Variants in NEK11 observed in about 807,000 individuals in gnomAD.
The protein encoded by NEK11 is NIMA related kinase 11, also known as serine/threonine-protein kinase Nek11.
NEK11 carries 72 observed loss-of-function variants against 80.7 expected under a neutral mutation model. The observed-to-expected ratio is 0.89, with a 90% CI of 0.74 to 1.08. NEK11 has a LOEUF of 1.08. NEK11 is among the 50% of genes least tolerant of loss of function. NEK11 has a pLI of 0.00. For synonymous variants in NEK11, 251 were observed against 260.7 expected, an observed-to-expected ratio of 0.96 and a Z score of 0.36; for missense variants, 764 against 763.6, an observed-to-expected ratio of 1.00 and a Z score of -0.01.
chr3:131,089,665 C>G (rs1219599545), intron 4 of NEK11, among the ~76,000 whole-genome samples: 1 of 152,166 alleles, frequency 6.6e-6, no homozygotes, highest in Non-Finnish European at 1.5e-5. Flanking sequence ...TCTCGAACTC[C>G]TGACCTCAAG....
intron 7 of NEK11, among the ~76,000 whole-genome samples, chr3:131,147,537 G>A (rs2088629341): frequency 6.6e-6 from 1 of 151,896 alleles, no homozygotes; most frequent in South Asian, 2.1e-4. Context: ...TTCCAAATTA[G>A]TTCTTGTTTA....
chr3:131,239,616 C>T (rs1374329228), intron 15 of NEK11, among the ~76,000 whole-genome samples: 1 of 152,152 alleles, frequency 6.6e-6, no homozygotes, highest in African/African-American at 2.4e-5. Context: ...GCCTACCAGC[C>T]AGGAGAGTGC....
Position 131,109,846 on chromosome 3 carries a change from G to GA in NEK11, c.385dup (p.Ile129AsnfsTer19), listed in dbSNP as rs760398031. Reference sequence around the variant, plus strand: ...AAAATTCAGGAATATAAACAAGCTGGAAAAATCTTTCCAGAAAATCAAATA... The same window carrying GA: ...AAAATTCAGGAATATAAACAAGCTGGAAAAAATCTTTCCAGAAAATCAAATA... On this transcript the variant is annotated frameshift_variant, in exon 5 of 18. Transcript: ENST00000383366. LOFTEE classifies it high-confidence loss of function. The GA allele has an allele frequency of 1.9e-6, 3 of 1,605,966 alleles. No homozygotes were observed. The highest frequency in any genetic ancestry group is 1.1e-5 in the South Asian group (1 of 89,092).
At chr3:131,282,222 GA>G (rs1461869084) in intron 17 of NEK11, among the ~76,000 whole-genome samples, 1 of 149,718 alleles carries the variant, frequency 6.7e-6, no homozygotes. Flanking sequence ...CAGGGCTGCT[GA>G]TTTTGGTGTC....
chr3:131,142,946 C>T (rs113615330), intron 7 of NEK11, among the ~76,000 whole-genome samples: 34 of 152,222 alleles, frequency 2.2e-4, no homozygotes, highest in African/African-American at 7.5e-4. Context: ...AAAATTCACC[C>T]AAACCTTGTT....
intron 17 of NEK11, among the ~76,000 whole-genome samples, chr3:131,299,949 A>G (rs2109149797): frequency 6.6e-6 from 1 of 152,322 alleles, no homozygotes; most frequent in South Asian, 2.1e-4. Context: ...TTGAGAAATT[A>G]TCAAGTTGGT....
chr3:131,208,776 G>T (rs1311343502), intron 14 of NEK11, among the ~76,000 whole-genome samples: 1 of 152,082 alleles, frequency 6.6e-6, no homozygotes, highest in Non-Finnish European at 1.5e-5. Context: ...GTCTGTTATT[G>T]GTGTATAAGA....
At chr3:131,245,655 C>A (rs929463094) in intron 16 of NEK11, among the ~76,000 whole-genome samples, 1 of 151,622 alleles carries the variant, frequency 6.6e-6, no homozygotes, top group Non-Finnish European at 1.5e-5. Context: ...TGTAAGATAC[C>A]TTCTTGTGGT....
intron 16 of NEK11, among the ~76,000 whole-genome samples, chr3:131,272,895 C>T (rs2096225123): frequency 6.6e-6 from 1 of 152,190 alleles, no homozygotes; most frequent in Non-Finnish European, 1.5e-5. Flanking sequence ...GTAGCTCTCT[C>T]AGCAGATTTC....
At chr3:131,243,384 A>G (rs570478937) in intron 15 of NEK11, 52 bp from the exon 16 acceptor site, 29 of 1,520,126 alleles carry the variant, frequency 1.9e-5, no homozygotes, top group Admixed American at 1.4e-4. Context: ...CATGTTATTA[A>G]GTATCCTTCT....
At chr3:131,323,777 C>T (rs2096924527) in intron 17 of NEK11, among the ~76,000 whole-genome samples, 1 of 152,172 alleles carries the variant, frequency 6.6e-6, no homozygotes. Flanking sequence ...GCTGTAGCAC[C>T]ATTTTTAAAG....
chr3:131,173,035 A>G (rs189910212), intron 14 of NEK11, among the ~76,000 whole-genome samples: 7 of 152,334 alleles, frequency 4.6e-5, no homozygotes, highest in Admixed American at 3.3e-4. Flanking sequence ...TAAAAGTAGG[A>G]TGAATCCTCA....
intron 14 of NEK11, chr3:131,174,930 C>A: frequency 7.0e-7 from 1 of 1,428,668 alleles, no homozygotes; most frequent in South Asian, 1.6e-5. Flanking sequence ...GACCAGCTGT[C>A]ACCTCTTCAT....
At chr3:131,162,602 C>T in intron 11 of NEK11, 75 bp downstream of exon 11, 4 of 1,561,574 alleles carry the variant, frequency 2.6e-6, no homozygotes, top group Non-Finnish European at 3.5e-6. Flanking sequence ...CAGAGAAAAG[C>T]AAAAACCAAA....
chr3:131,039,308 A>G (rs936889572), intron 3 of NEK11, among the ~76,000 whole-genome samples: 1 of 152,208 alleles, frequency 6.6e-6, no homozygotes, highest in African/African-American at 2.4e-5. Context: ...TGAATATTAG[A>G]ATATTCAGTC....
chr3:131,244,122 A>G (rs1352472313), intron 16 of NEK11, among the ~76,000 whole-genome samples: 1 of 151,878 alleles, frequency 6.6e-6, no homozygotes, highest in Non-Finnish European at 1.5e-5. Flanking sequence ...AAATTTGATT[A>G]CAAGTTTTTA....
chr3:131,128,268 TA>T (rs1435266512), intron 5 of NEK11, among the ~76,000 whole-genome samples: 6 of 152,214 alleles, frequency 3.9e-5, no homozygotes, highest in Non-Finnish European at 8.8e-5. Flanking sequence ...TTTAGTATCA[TA>T]AAGTTGTTGC....
intron 3 of NEK11, among the ~76,000 whole-genome samples, chr3:131,047,146 T>C (rs954544044): frequency 6.6e-6 from 1 of 152,210 alleles, no homozygotes; most frequent in Non-Finnish European, 1.5e-5. Flanking sequence ...CACTTTATTA[T>C]GTATTCTATT....
In NEK11 at chr3:131,103,391, G is replaced by A. The variant is rs139284645; in HGVS notation, c.337-6412G>A. On this transcript the variant is annotated intron_variant, in intron 4 of 17. Coordinates refer to ENST00000383366, the MANE Select transcript of NEK11 (RefSeq NM_024800.5). ...AATGCTCTATGCAGCTTCTTTATTT[G>A]TGGCTGAATTCTTACCCTTGGTCTT... Among the ~76,000 whole-genome samples the A allele has an allele frequency of 3.8e-3, 585 of 152,308 alleles. 1 individual carries two copies. Among genetic ancestry groups the A allele is most frequent in the Middle Eastern group, 0.017 (5 of 294 alleles).
Sources: gnomAD v4.1 joint callset for allele counts (sites outside exome capture counted in the v4.1 genomes callset) on GRCh38, gnomAD v4.1.1 for gene constraint, MANE v1.5 for transcripts, NCBI Gene and HGNC (gene_info 2026-07-23, HGNC 2026-07-21) for gene names.